FGF14: variants seen among roughly 807,000 people sequenced by gnomAD.
The protein encoded by FGF14 is fibroblast growth factor 14, also known as fibroblast growth factor homologous factor 4.
Under a neutral mutation model 25.5 loss-of-function variants are expected in FGF14, and 5 were observed. The observed-to-expected ratio is 0.20, with a 90% CI of 0.10 to 0.41. The LOEUF (loss-of-function observed/expected upper bound fraction) is 0.41. FGF14 is among the 10% of genes least tolerant of loss of function. The pLI is 1.00. For synonymous variants in FGF14, 138 were observed against 118.3 expected (o/e 1.17, Z -1.08); for missense variants, 222 against 320.1 (o/e 0.69, Z 2.34).
intron 1 of FGF14, among the ~76,000 whole-genome samples, chr13:102,307,532 C>G (rs1390847455): frequency 6.6e-6 from 1 of 152,112 alleles, no homozygotes; most frequent in Non-Finnish European, 1.5e-5. Flanking sequence ...GTTGGTACCA[C>G]TTATTTTTAT....
At chr13:101,980,731 A>G (rs1217421295) in intron 1 of FGF14, among the ~76,000 whole-genome samples, 1 of 152,206 alleles carries the variant, frequency 6.6e-6, no homozygotes, top group Non-Finnish European at 1.5e-5. Flanking sequence ...TTAAAGCATA[A>G]CCCCTAATAT....
intron 1 of FGF14, among the ~76,000 whole-genome samples, chr13:102,296,089 AT>A (rs2054695108): frequency 6.8e-6 from 1 of 146,958 alleles, no homozygotes; most frequent in Non-Finnish European, 1.5e-5. Context: ...AACCATTGTT[AT>A]TTGTATATTT....
chr13:102,218,583 G>A (rs1196688930), intron 1 of FGF14, among the ~76,000 whole-genome samples: 1 of 151,754 alleles, frequency 6.6e-6, no homozygotes, highest in Non-Finnish European at 1.5e-5. Flanking sequence ...CAATGATGGG[G>A]TTCCCATCAT....
chr13:102,304,467 G>A (rs2055259897), intron 1 of FGF14, among the ~76,000 whole-genome samples: 1 of 152,090 alleles, frequency 6.6e-6, no homozygotes, highest in Admixed American at 6.6e-5. Context: ...AAATTTTGCA[G>A]AATCACCATT....
intron 1 of FGF14, among the ~76,000 whole-genome samples, chr13:101,976,135 A>G (rs1266130791): frequency 7.4e-6 from 1 of 136,042 alleles, no homozygotes; most frequent in Non-Finnish European, 1.6e-5. Flanking sequence ...TAGTTCATTA[A>G]TGTGTTGACC....
intron 1 of FGF14, among the ~76,000 whole-genome samples, chr13:102,116,676 G>A (rs1412391262): frequency 6.6e-6 from 1 of 152,182 alleles, no homozygotes; most frequent in Non-Finnish European, 1.5e-5. Flanking sequence ...ATGAGGGAAT[G>A]GAGAATTATT....
intron 3 of FGF14, among the ~76,000 whole-genome samples, chr13:101,746,204 A>G (rs1160181570): frequency 6.6e-6 from 1 of 151,934 alleles, no homozygotes; most frequent in African/African-American, 2.4e-5. Flanking sequence ...GTTTTGTGCA[A>G]TTTCTTCATT....
At chr13:102,227,148 AT>A (rs1462856261) in intron 1 of FGF14, among the ~76,000 whole-genome samples, 1 of 152,126 alleles carries the variant, frequency 6.6e-6, no homozygotes, top group Non-Finnish European at 1.5e-5. Context: ...TATTATTATT[AT>A]AACACTCAAG....
chr13:101,990,342 G>A (rs906272983), intron 1 of FGF14, among the ~76,000 whole-genome samples: 10 of 152,072 alleles, frequency 6.6e-5, no homozygotes, highest in Non-Finnish European at 1.0e-4. Context: ...TCCTAAACTG[G>A]AACTTTGAAT....
chr13:101,952,285 C>T (rs532006084), intron 1 of FGF14, among the ~76,000 whole-genome samples: 2 of 152,256 alleles, frequency 1.3e-5, no homozygotes, highest in Non-Finnish European at 2.9e-5. Context: ...GTTTACCATA[C>T]ACTATGATCA....
intron 3 of FGF14, among the ~76,000 whole-genome samples, chr13:101,758,233 T>G (rs1194417648): frequency 6.6e-6 from 1 of 152,200 alleles, no homozygotes; most frequent in African/African-American, 2.4e-5. Context: ...GAAGGATCAA[T>G]TATCATTGTT....
chr13:101,721,630 T>TGTCA lies in FGF14; in HGVS notation c.*1197_*1200dup, dbSNP rs1473419589. 6.6e-6 allele frequency: 1 copy of TGTCA among 152,080 alleles called. No homozygotes were observed. Among genetic ancestry groups the TGTCA allele is most frequent in the African/African-American group, 2.4e-5 (1 of 41,414 alleles). The allele number at this position is 152,080 out of a possible 1,614,324, so 9.4% of individuals were successfully genotyped here. On this transcript the variant is annotated 3_prime_UTR_variant, in exon 5 of 5. Coordinates refer to ENST00000376143, the MANE Select transcript of FGF14 (RefSeq NM_004115.4). The stretch of plus-strand genomic sequence containing the variant: ...TCCTAATATGTCCAGTTTAAAAACT[T>TGTCA]GTCATTAAACACCAAAAATATTAAA...
At chr13:102,262,722 G>A (rs1477173288) in intron 1 of FGF14, among the ~76,000 whole-genome samples, 1 of 152,020 alleles carries the variant, frequency 6.6e-6, no homozygotes, top group Non-Finnish European at 1.5e-5. Context: ...CACTTTCACT[G>A]ATATTTGGAC....
At chr13:101,944,037 A>T (rs2035649177) in intron 1 of FGF14, among the ~76,000 whole-genome samples, 1 of 151,326 alleles carries the variant, frequency 6.6e-6, no homozygotes, top group African/African-American at 2.4e-5. Context: ...ATGGTAAAAA[A>T]CAAAACCACT....
intron 3 of FGF14, among the ~76,000 whole-genome samples, chr13:101,844,337 A>AGTG (rs2043340886): frequency 6.6e-6 from 1 of 152,056 alleles, no homozygotes; most frequent in African/African-American, 2.4e-5. Context: ...TCAACCTCAC[A>AGTG]AGACACCATT....
intron 1 of FGF14, among the ~76,000 whole-genome samples, chr13:102,144,779 C>A (rs2046785734): frequency 6.6e-6 from 1 of 152,034 alleles, no homozygotes; most frequent in African/African-American, 2.4e-5. Context: ...TGATGCCATG[C>A]AACACAAAGC....
At chr13:102,069,350 G>C (rs941550537) in intron 1 of FGF14, among the ~76,000 whole-genome samples, 4 of 152,226 alleles carry the variant, frequency 2.6e-5, no homozygotes, top group East Asian at 3.9e-4. Context: ...AAGGCCACTC[G>C]GCTCTACCAA....
At chr13:101,875,588 G>A (rs2045346827) in intron 1 of FGF14, among the ~76,000 whole-genome samples, 1 of 151,968 alleles carries the variant, frequency 6.6e-6, no homozygotes, top group African/African-American at 2.4e-5. Flanking sequence ...TTAATTATTA[G>A]TTTAAACTAT....
At chr13:101,892,580 G>C (rs1466204415) in intron 1 of FGF14, among the ~76,000 whole-genome samples, 2 of 152,140 alleles carry the variant, frequency 1.3e-5, no homozygotes, top group Non-Finnish European at 2.9e-5. Flanking sequence ...TATGGCTAAA[G>C]GGAAAATGAA....
Sources: gnomAD v4.1 joint callset for allele counts (sites outside exome capture counted in the v4.1 genomes callset) on GRCh38, gnomAD v4.1.1 for gene constraint, MANE v1.5 for transcripts, NCBI Gene and HGNC (gene_info 2026-07-23, HGNC 2026-07-21) for gene names.